The following ESRP1 variants were observed in gnomAD, a reference collection of about 807,000 sequenced individuals.
ESRP1 encodes RNA-binding motif protein 35A.
A neutral mutation model predicts 81.7 loss-of-function variants in ESRP1; 33 were observed. The observed-to-expected ratio is 0.40, with a 90% CI of 0.31 to 0.54. The LOEUF (loss-of-function observed/expected upper bound fraction) is 0.54, where lower values mean the gene tolerates loss of function less well. Among genes scored for constraint, ESRP1 ranks in the 20% least tolerant of loss-of-function variants. The pLI is 0.41. For synonymous variants in ESRP1, 320 were observed against 303.3 expected, an observed-to-expected ratio of 1.06 and a Z score of -0.57; for missense variants, 672 against 833.1, an observed-to-expected ratio of 0.81 and a Z score of 2.38.
rs769179755 is a variant in ESRP1 at position 94,678,183 on chromosome 8, ATC to A, written c.1652-14_1652-13del. 4.8e-5 allele frequency: 78 copies of A among 1,611,894 alleles called. No individual in the cohort carries two copies. Among genetic ancestry groups the A allele is most frequent in the Non-Finnish European group, 6.4e-5 (76 of 1,178,572 alleles). ...AGCTGTTACAAATATGTCTCAAAGA[ATC>A]TCTCTTTGCATATCTAGGCCTGTCT... is the stretch of plus-strand genomic sequence containing the variant. On this transcript the variant is annotated intron_variant, in intron 12 of 15. Coordinates refer to ENST00000433389, the MANE Select transcript of ESRP1 (RefSeq NM_017697.4).
chr8:94,666,930 T>A (rs949614383), intron 9 of ESRP1, among the ~76,000 whole-genome samples: 2 of 152,158 alleles, frequency 1.3e-5, no homozygotes, highest in African/African-American at 4.8e-5. Context: ...GGGCTGGGCT[T>A]GGTGGCTCAT....
At chr8:94,693,510 T>C (rs1222144193) in intron 14 of ESRP1, among the ~76,000 whole-genome samples, 2 of 152,240 alleles carry the variant, frequency 1.3e-5, no homozygotes, top group Non-Finnish European at 2.9e-5. Context: ...AGCAGATAGC[T>C]TTCTTTCCTC....
At chr8:94,690,334 T>A (rs1275655501) in intron 13 of ESRP1, among the ~76,000 whole-genome samples, 1 of 128,434 alleles carries the variant, frequency 7.8e-6, no homozygotes, top group Non-Finnish European at 1.6e-5. Context: ...GATTTCACCA[T>A]GTTGGCTAGG....
At chr8:94,667,576 TACAG>T (rs1351013059) in intron 9 of ESRP1, among the ~76,000 whole-genome samples, 4 of 152,152 alleles carry the variant, frequency 2.6e-5, no homozygotes, top group Non-Finnish European at 2.9e-5. Flanking sequence ...TAGGCAATCT[TACAG>T]ACAAGAAAAG....
chr8:94,641,199 G>C lies in ESRP1; in HGVS notation c.-120G>C, dbSNP rs940687833. ...CTTTTGCACTAGCAGTAGCAAGGAA[G>C]GGGGGTGGGCGCTCTTTCTTTTTCT... On this transcript the variant is annotated 5_prime_UTR_variant, in exon 1 of 16. Transcript: ENST00000433389. 5 of 983,246 alleles carry C rather than the reference G, an allele frequency of 5.1e-6. No homozygotes were observed. Among genetic ancestry groups the C allele is most frequent in the Admixed American group, 5.6e-5 (2 of 35,428 alleles). The allele number at this position is 983,246 out of a possible 1,614,324, so 60.9% of individuals were successfully genotyped here.
chr8:94,674,803 C>T (rs1819509791), intron 12 of ESRP1, among the ~76,000 whole-genome samples: 1 of 152,176 alleles, frequency 6.6e-6, no homozygotes, highest in Non-Finnish European at 1.5e-5. Flanking sequence ...GGGAGGCAAC[C>T]TGGCTATATA....
chr8:94,684,134 A>G (rs1809041624), intron 13 of ESRP1, among the ~76,000 whole-genome samples: 1 of 126,368 alleles, frequency 7.9e-6, no homozygotes, highest in East Asian at 2.8e-4. Context: ...GGTGTGAGCC[A>G]CTGCGCACGC....
intron 14 of ESRP1, among the ~76,000 whole-genome samples, chr8:94,695,832 G>A (rs954178139): frequency 1.4e-4 from 21 of 151,868 alleles, no homozygotes; most frequent in Admixed American, 9.2e-4. Context: ...GGAGGCTGAG[G>A]CAGGTGGATC....
chr8:94,657,455 C>T (rs940842881), intron 4 of ESRP1, among the ~76,000 whole-genome samples: 3 of 145,396 alleles, frequency 2.1e-5, no homozygotes, highest in Non-Finnish European at 3.0e-5. Context: ...AAGAAACTGG[C>T]CTATTGAGGC....
Position 94,641,459 on chromosome 8 carries a change from C to T in ESRP1, c.132+9C>T, listed in dbSNP as rs115223576. ...ATCTGGCCAACAAGAAGGTATTTCT[C>T]CACATTTTCGTCTAAATGCAAGGAA... On this transcript the variant is annotated intron_variant, in intron 1 of 15. Transcript: ENST00000433389. 406 of 1,613,802 alleles carry T rather than the reference C, an allele frequency of 2.5e-4. 1 individual carries two copies. In the African/African-American group the frequency reaches 5.0e-3, roughly 20 times the overall value.
chr8:94,696,449 T>C (rs999582048), intron 14 of ESRP1, among the ~76,000 whole-genome samples: 3 of 152,222 alleles, frequency 2.0e-5, no homozygotes, highest in African/African-American at 7.2e-5. Flanking sequence ...TAAAATTCAC[T>C]GCATTGTTTG....
At chr8:94,683,812 T>C (rs774511937) in intron 13 of ESRP1, among the ~76,000 whole-genome samples, 8 of 152,214 alleles carry the variant, frequency 5.3e-5, no homozygotes, top group Non-Finnish European at 1.0e-4. Context: ...GGAGAACAAC[T>C]GCCGTGGGCA....
At chr8:94,653,318 G>C (rs1439013953) in intron 4 of ESRP1, among the ~76,000 whole-genome samples, 3 of 152,136 alleles carry the variant, frequency 2.0e-5, no homozygotes, top group African/African-American at 7.2e-5. Flanking sequence ...GGGATAATAG[G>C]ATAGTAGTTA....
chr8:94,643,486 T>G, intron 3 of ESRP1, 70 bp downstream of exon 3: 1 of 1,027,798 alleles, frequency 9.7e-7, no homozygotes, highest in Non-Finnish European at 1.5e-6. Flanking sequence ...TAAAAATTTT[T>G]GGTTTATTCA....
chr8:94,647,588 C>T (rs1259363869), intron 4 of ESRP1, among the ~76,000 whole-genome samples: 1 of 152,118 alleles, frequency 6.6e-6, no homozygotes, highest in East Asian at 1.9e-4. Flanking sequence ...AAGGTCACTG[C>T]CCTATCTAAT....
rs1222226633 is a variant in ESRP1, at chr8:94,665,168, A to G, written c.903A>G (p.Thr301=). 5.0e-6 allele frequency: 8 copies of G among 1,613,426 alleles called. No homozygotes were observed. The highest frequency in any genetic ancestry group is 1.6e-4 in the Middle Eastern group (1 of 6,084). ...GTRYIEVYKA[T]GEDFLKIAGG... ...TCTTTTCTCAGGTTTACAAAGCAAC[A>G]GGTGAAGATTTCCTTAAAATTGCTG... The change falls in exon 9 of 16, where the codon ACA becomes ACG. Residue 301 remains threonine (T), a synonymous_variant. Transcript: ENST00000433389.
At chr8:94,675,108 G>A (rs948581261) in intron 12 of ESRP1, among the ~76,000 whole-genome samples, 6 of 152,212 alleles carry the variant, frequency 3.9e-5, no homozygotes, top group South Asian at 2.1e-4. Flanking sequence ...CCATGCTCTC[G>A]CTCATTGGCA....
At chr8:94,681,641 A>C (rs2130674981) in intron 13 of ESRP1, among the ~76,000 whole-genome samples, 2 of 152,034 alleles carry the variant, frequency 1.3e-5, no homozygotes, top group East Asian at 1.9e-4. Flanking sequence ...CGTCTCAAAA[A>C]ATAAATAATA....
intron 15 of ESRP1, among the ~76,000 whole-genome samples, chr8:94,699,479 GA>G (rs201301110): frequency 0.02 from 3,066 of 151,482 alleles, 95 homozygotes; most frequent in African/African-American, 0.069. Context: ...CTGTCACTAC[GA>G]AAAAAAATAC....
Sources: allele counts gnomAD v4.1 joint callset (sites outside exome capture counted in the v4.1 genomes callset), GRCh38; gene constraint gnomAD v4.1.1; transcripts MANE v1.5; gene names NCBI Gene and HGNC (gene_info 2026-07-23, HGNC 2026-07-21).